Variants in LARP4B observed in about 807,000 individuals in gnomAD.
The protein encoded by LARP4B is La ribonucleoprotein 4B.
In LARP4B, 12 loss-of-function variants were observed where a neutral mutation model predicts 89.8. The observed-to-expected ratio is 0.13, with a 90% CI of 0.09 to 0.22. The LOEUF is 0.22. Among genes scored for constraint, LARP4B ranks in the 10% least tolerant of loss-of-function variants. The pLI, the probability that LARP4B is intolerant of heterozygous loss-of-function variation, is 1.00. For missense variants in LARP4B, 757 were observed against 947.7 expected (o/e 0.80, Z 2.64); for synonymous variants, 367 against 363.3 (o/e 1.01, Z -0.12).
chr10:924,894 G>A (rs992907717), intron 1 of LARP4B, among the ~76,000 whole-genome samples: 18 of 152,186 alleles, frequency 1.2e-4, no homozygotes, highest in African/African-American at 3.4e-4. Context: ...ACTATTTAGC[G>A]CATGCTACCT....
intron 11 of LARP4B, among the ~76,000 whole-genome samples, chr10:829,143 C>G (rs1832768241): frequency 6.6e-6 from 1 of 152,212 alleles, no homozygotes; most frequent in Non-Finnish European, 1.5e-5. Context: ...CTGCGTCTTG[C>G]TAAGAGCTGC....
In LARP4B at chr10:920,759, G is replaced by T. The variant is rs549413656; in HGVS notation, c.-40+10669C>A. ...TGCACTTCAGCCTGGGGGACAAAGTGAGACTCTGTCTCAAAAAAAAGGAAT... is the reference window on the plus strand; with the variant it reads ...TGCACTTCAGCCTGGGGGACAAAGTTAGACTCTGTCTCAAAAAAAAGGAAT... On this transcript the variant is annotated intron_variant, in intron 1 of 17. Transcript: ENST00000316157. Among the ~76,000 whole-genome samples the T allele has an allele frequency of 2.6e-5, 4 of 151,974 alleles. No homozygotes were observed. In the South Asian group the frequency reaches 6.2e-4, roughly 24 times the overall value.
the LARP4B span, among the ~76,000 whole-genome samples, chr10:978,522 TCTA>T: frequency 6.6e-6 from 1 of 152,184 alleles, no homozygotes; most frequent in Non-Finnish European, 1.5e-5. Context: ...TAGATTTTTT[TCTA>T]CTAATTTGGA....
upstream of LARP4B, among the ~76,000 whole-genome samples, chr10:935,299 T>C (rs975907349): frequency 1.3e-5 from 2 of 152,234 alleles, no homozygotes; most frequent in African/African-American, 4.8e-5. Flanking sequence ...TGCGCTGCTC[T>C]GGAAGTCGAG....
intron 1 of LARP4B, among the ~76,000 whole-genome samples, chr10:888,796 G>A (rs1011586344): frequency 2.6e-5 from 4 of 152,228 alleles, no homozygotes; most frequent in Non-Finnish European, 5.9e-5. Context: ...AAAACTGTAA[G>A]AATATTACGG....
chr10:975,709 T>C, the LARP4B span, among the ~76,000 whole-genome samples: 1 of 151,178 alleles, frequency 6.6e-6, no homozygotes, highest in Non-Finnish European at 1.5e-5. Context: ...TGTCGCGTAA[T>C]GTGCAGCCCG....
chr10:841,458 T>C (rs538497366), intron 7 of LARP4B, among the ~76,000 whole-genome samples: 1 of 152,348 alleles, frequency 6.6e-6, no homozygotes, highest in East Asian at 1.9e-4. Flanking sequence ...CTGGATCGCC[T>C]ATGGGCAGGT....
chr10:874,151 T>C (rs1000967712), intron 3 of LARP4B, among the ~76,000 whole-genome samples: 9 of 152,152 alleles, frequency 5.9e-5, no homozygotes, highest in African/African-American at 1.9e-4. Context: ...GGAGAATCAC[T>C]TGAACCCAGG....
chr10:879,141 C>T (rs988868894), intron 3 of LARP4B, among the ~76,000 whole-genome samples: 4 of 152,112 alleles, frequency 2.6e-5, no homozygotes, highest in Admixed American at 2.0e-4. Context: ...GAAAAGATCA[C>T]GGGTATGTGT....
At chr10:974,530 T>C in the LARP4B span, among the ~76,000 whole-genome samples, 1 of 152,140 alleles carries the variant, frequency 6.6e-6, no homozygotes, top group Non-Finnish European at 1.5e-5. Flanking sequence ...TGAAAGGCTC[T>C]CTTGAAGCCT....
intron 3 of LARP4B, among the ~76,000 whole-genome samples, chr10:865,349 C>T (rs953170891): frequency 2.0e-5 from 3 of 152,218 alleles, no homozygotes; most frequent in Non-Finnish European, 4.4e-5. Flanking sequence ...GCCATCATGA[C>T]AGTCACGCAT....
At chr10:827,506 G>GCACAA (rs1832694432) in intron 11 of LARP4B, among the ~76,000 whole-genome samples, 1 of 152,114 alleles carries the variant, frequency 6.6e-6, no homozygotes. Flanking sequence ...GGATTAATAG[G>GCACAA]CACAATCTCT....
the LARP4B span, among the ~76,000 whole-genome samples, chr10:974,285 C>A: frequency 7.0e-6 from 1 of 142,226 alleles, no homozygotes; most frequent in Non-Finnish European, 1.6e-5. Context: ...AAACCCAGGG[C>A]GGGTGGGAAG....
At chr10:895,280 T>C (rs969229506) in intron 1 of LARP4B, among the ~76,000 whole-genome samples, 5 of 152,030 alleles carry the variant, frequency 3.3e-5, no homozygotes, top group Admixed American at 1.3e-4. Context: ...CTTGGATATA[T>C]TATCAGTACA....
chr10:859,108 G>A (rs551374325), intron 5 of LARP4B, among the ~76,000 whole-genome samples: 11 of 152,028 alleles, frequency 7.2e-5, no homozygotes, highest in Admixed American at 1.3e-4. Flanking sequence ...GTGAAACCCC[G>A]TATCTACTAA....
At chr10:976,545 G>T in the LARP4B span, among the ~76,000 whole-genome samples, 4 of 149,990 alleles carry the variant, frequency 2.7e-5, no homozygotes, top group African/African-American at 7.4e-5. Flanking sequence ...CTAGTAGAAG[G>T]TAGGTGCCGC....
intron 1 of LARP4B, among the ~76,000 whole-genome samples, chr10:892,355 G>C (rs1374593690): frequency 6.6e-6 from 1 of 152,156 alleles, no homozygotes; most frequent in African/African-American, 2.4e-5. Context: ...ACACTTGGGA[G>C]ACCATAACTC....
chr10:916,559 G>T (rs1836827620), intron 1 of LARP4B, among the ~76,000 whole-genome samples: 1 of 152,112 alleles, frequency 6.6e-6, no homozygotes, highest in Non-Finnish European at 1.5e-5. Context: ...GCCAGGCGTG[G>T]TGGCGCATGC....
chr10:960,112 A>G, the LARP4B span, among the ~76,000 whole-genome samples: 1 of 152,202 alleles, frequency 6.6e-6, no homozygotes, highest in Non-Finnish European at 1.5e-5. Flanking sequence ...GCATGTCACT[A>G]AGCGGAAGAA....
Sources: gnomAD v4.1 joint callset for allele counts (sites outside exome capture counted in the v4.1 genomes callset) on GRCh38, gnomAD v4.1.1 for gene constraint, MANE v1.5 for transcripts, NCBI Gene and HGNC (gene_info 2026-07-23, HGNC 2026-07-21) for gene names.